The following PDE8B variants were observed in gnomAD, a reference collection of about 807,000 sequenced individuals.
PDE8B encodes the protein high affinity cAMP-specific and IBMX-insensitive 3',5'-cyclic phosphodiesterase 8B.
In PDE8B, 26 loss-of-function variants were observed where a neutral mutation model predicts 101.3. The ratio of observed to expected loss-of-function variants is 0.26; its 90% confidence interval spans 0.19 to 0.36. The LOEUF (loss-of-function observed/expected upper bound fraction) is 0.36. Among genes scored for constraint, PDE8B ranks in the 10% least tolerant of loss-of-function variants. The pLI is 1.00. For synonymous variants in PDE8B, 424 were observed against 429.3 expected, an observed-to-expected ratio of 0.99 and a Z score of 0.15; for missense variants, 810 against 1,163.1, an observed-to-expected ratio of 0.70 and a Z score of 4.42.
At chr5:77,373,308 A>C (rs1785404699) in intron 10 of PDE8B, among the ~76,000 whole-genome samples, 1 of 151,642 alleles carries the variant, frequency 6.6e-6, no homozygotes, top group Non-Finnish European at 1.5e-5. Flanking sequence ...TCAGGTCATT[A>C]TTATTATTTT....
At chr5:77,225,462 G>A (rs1490552906) in intron 1 of PDE8B, among the ~76,000 whole-genome samples, 1 of 152,178 alleles carries the variant, frequency 6.6e-6, no homozygotes, top group African/African-American at 2.4e-5. Flanking sequence ...ATGTTTGACA[G>A]ATTTCCTGCC....
At chr5:77,225,224 G>A (rs941578729) in intron 1 of PDE8B, among the ~76,000 whole-genome samples, 12 of 152,206 alleles carry the variant, frequency 7.9e-5, no homozygotes, top group African/African-American at 2.9e-4. Flanking sequence ...GCAAATGCTT[G>A]ATTCTACTCT....
At chr5:77,191,836 C>T in the PDE8B span, among the ~76,000 whole-genome samples, 1 of 152,084 alleles carries the variant, frequency 6.6e-6, no homozygotes, top group Non-Finnish European at 1.5e-5. Context: ...AATAATTATA[C>T]AACTCACCAT....
intron 10 of PDE8B, among the ~76,000 whole-genome samples, chr5:77,357,495 GC>G (rs946037580): frequency 6.6e-6 from 1 of 152,148 alleles, no homozygotes; most frequent in African/African-American, 2.4e-5. Context: ...TCCTGGCACA[GC>G]CTGGCTTCAC....
chr5:77,092,155 A>G, the PDE8B span, among the ~76,000 whole-genome samples: 6 of 152,154 alleles, frequency 3.9e-5, no homozygotes, highest in Admixed American at 6.5e-5. Context: ...AACAAGATGT[A>G]TTTTTTATTT....
chr5:77,120,217 A>G, the PDE8B span, among the ~76,000 whole-genome samples: 1 of 152,252 alleles, frequency 6.6e-6, no homozygotes, highest in Non-Finnish European at 1.5e-5. Context: ...AATAGGCAGA[A>G]CTAATCTGCA....
chr5:77,405,859 G>C (rs1793322468), intron 12 of PDE8B, among the ~76,000 whole-genome samples: 2 of 152,158 alleles, frequency 1.3e-5, no homozygotes, highest in South Asian at 4.1e-4. Flanking sequence ...ACACGTTCTG[G>C]GGTGTGAGGA....
intron 1 of PDE8B, among the ~76,000 whole-genome samples, chr5:77,238,439 T>C (rs1195065755): frequency 6.6e-6 from 1 of 152,240 alleles, no homozygotes; most frequent in East Asian, 1.9e-4. Flanking sequence ...CTTCTATTCT[T>C]TGCTGAGACT....
the PDE8B span, chr5:77,115,082 G>A: frequency 6.6e-6 from 1 of 152,188 alleles, no homozygotes; most frequent in Non-Finnish European, 1.5e-5. Context: ...GCCAGATGCA[G>A]GGATGTGAAA....
chr5:77,166,786 C>T, the PDE8B span: 36 of 152,166 alleles, frequency 2.4e-4, no homozygotes, highest in Admixed American at 3.3e-4. Context: ...TTGGTTATCC[C>T]ACACCAAGCT....
chr5:77,147,466 A>AT, the PDE8B span: 1 of 152,590 alleles, frequency 6.6e-6, no homozygotes, highest in East Asian at 1.9e-4. Flanking sequence ...GGGATGGTAG[A>AT]TTTTTTATTT....
chr5:77,400,539 G>T (rs1792047552), intron 11 of PDE8B, among the ~76,000 whole-genome samples: 1 of 152,078 alleles, frequency 6.6e-6, no homozygotes, highest in Non-Finnish European at 1.5e-5. Context: ...TCTTTTCTTG[G>T]CTAGATACCA....
Position 77,367,154 on chromosome 5 carries a change from AACAC to A in PDE8B, c.1167+13780_1167+13783del, listed in dbSNP as rs71736838. 5.5e-3 allele frequency among the ~76,000 whole-genome samples: 803 copies of A among 144,906 alleles called. 1 individual carries two copies. The highest frequency in any genetic ancestry group is 0.014 in the African/African-American group (532 of 38,686). ...GTATGCTAAAACATTGTTTTCTCAA[AACAC>A]ACACACACACACACACACACACACA... On this transcript the variant is annotated intron_variant, in intron 10 of 21. Coordinates refer to ENST00000264917, the MANE Select transcript of PDE8B (RefSeq NM_003719.5).
chr5:77,217,323 T>C (rs866733203), intron 1 of PDE8B, among the ~76,000 whole-genome samples: 1 of 152,110 alleles, frequency 6.6e-6, no homozygotes, highest in Non-Finnish European at 1.5e-5. Context: ...AGTTTTTACT[T>C]TCCCACTTTC....
At chr5:77,364,928 G>A (rs1783841740) in intron 10 of PDE8B, among the ~76,000 whole-genome samples, 1 of 152,186 alleles carries the variant, frequency 6.6e-6, no homozygotes, top group Non-Finnish European at 1.5e-5. Flanking sequence ...TGGAACTGTT[G>A]AAAAGAGTTT....
intron 11 of PDE8B, 107 bp downstream of exon 11, chr5:77,400,397 T>C: frequency 1.3e-6 from 1 of 799,614 alleles, no homozygotes; most frequent in East Asian, 2.5e-5. Flanking sequence ...CCCCAGAATG[T>C]GGAGTGCTAA....
intron 2 of PDE8B, among the ~76,000 whole-genome samples, chr5:77,318,068 A>AAAAT (rs869050421): frequency 1.3e-5 from 2 of 150,900 alleles, no homozygotes; most frequent in Non-Finnish European, 3.0e-5. Context: ...AAAAAAAAAA[A>AAAAT]AAAAAAAAAC....
chr5:77,418,198 T>A, intron 17 of PDE8B, 31 bp from the exon 18 acceptor site: 1 of 1,375,990 alleles, frequency 7.3e-7, no homozygotes, highest in Middle Eastern at 1.8e-4. Flanking sequence ...ATCCAGTGGG[T>A]AATGCTCAAC....
At chr5:77,189,089 A>G in the PDE8B span, among the ~76,000 whole-genome samples, 3 of 152,104 alleles carry the variant, frequency 2.0e-5, no homozygotes, top group African/African-American at 7.2e-5. Context: ...TACAGCAAGC[A>G]CTGCTGTCAT....
Sources: allele counts gnomAD v4.1 joint callset (sites outside exome capture counted in the v4.1 genomes callset), GRCh38; gene constraint gnomAD v4.1.1; transcripts MANE v1.5; gene names NCBI Gene and HGNC (gene_info 2026-07-23, HGNC 2026-07-21).